PLXNA2: variants seen among roughly 807,000 people sequenced by gnomAD.
PLXNA2 encodes plexin-A2.
In PLXNA2, 91 loss-of-function variants were observed where a neutral mutation model predicts 193.5. The observed-to-expected ratio is 0.47, with a 90% CI of 0.40 to 0.56. The LOEUF (loss-of-function observed/expected upper bound fraction) is 0.56, where lower values mean the gene tolerates loss of function less well. Among genes scored for constraint, PLXNA2 ranks in the 20% least tolerant of loss-of-function variants. PLXNA2 has a pLI of 0.00. For synonymous variants in PLXNA2, 997 were observed against 1,027.3 expected (o/e 0.97, Z 0.56); for missense variants, 1,995 against 2,503.2 (o/e 0.80, Z 4.33).
intron 6 of PLXNA2, 120 bp from the exon 7 acceptor site, chr1:208,097,003 G>T: frequency 1.2e-6 from 1 of 836,166 alleles, no homozygotes; most frequent in Non-Finnish European, 1.8e-6. Context: ...TATAAAAGAA[G>T]GATGTTGGTC....
Position 208,096,892 on chromosome 1 carries a change from G to A in PLXNA2, c.1732-9C>T, listed in dbSNP as rs150005896. 2.9e-5 allele frequency: 46 copies of A among 1,611,212 alleles called. No homozygotes were observed. Among genetic ancestry groups the A allele is most frequent in the Admixed American group, 1.7e-4 (10 of 59,806 alleles). ...CTCACTACCAGGCTAAGCTGTGGGA[G>A]GAGCAAAGAGATGATGCCAAAGAAA... On this transcript the variant is annotated splice_polypyrimidine_tract_variant and intron_variant, in intron 6 of 31. Transcript: ENST00000367033.
chr1:208,056,923 TCTC>T (rs1665450662), intron 13 of PLXNA2, among the ~76,000 whole-genome samples: 1 of 152,060 alleles, frequency 6.6e-6, no homozygotes, highest in African/African-American at 2.4e-5. Flanking sequence ...CAAACTCTAA[TCTC>T]CTCAACTCTT....
At chr1:208,238,595 G>T (rs1382757933) in intron 1 of PLXNA2, among the ~76,000 whole-genome samples, 1 of 152,146 alleles carries the variant, frequency 6.6e-6, no homozygotes, top group Non-Finnish European at 1.5e-5. Flanking sequence ...TCTGGACTCT[G>T]CTGTCTCTCA....
intron 5 of PLXNA2, among the ~76,000 whole-genome samples, chr1:208,099,272 A>C (rs1188226566): frequency 6.6e-6 from 1 of 152,240 alleles, no homozygotes; most frequent in African/African-American, 2.4e-5. Context: ...CAAAACGCAC[A>C]AACAAAGCAA....
chr1:208,130,459 AC>A (rs1668112584), intron 4 of PLXNA2, among the ~76,000 whole-genome samples: 1 of 152,030 alleles, frequency 6.6e-6, no homozygotes, highest in Non-Finnish European at 1.5e-5. Flanking sequence ...TCACTCACCA[AC>A]CCCACCAACT....
intron 3 of PLXNA2, among the ~76,000 whole-genome samples, chr1:208,151,851 A>G (rs1274716497): frequency 6.6e-6 from 1 of 152,202 alleles, no homozygotes; most frequent in Non-Finnish European, 1.5e-5. Flanking sequence ...CTCCCTCCAG[A>G]GCCTACGCTT....
chr1:208,130,097 C>T (rs899964601), intron 4 of PLXNA2, among the ~76,000 whole-genome samples: 1 of 152,142 alleles, frequency 6.6e-6, no homozygotes, highest in Non-Finnish European at 1.5e-5. Context: ...GGGGACCAGT[C>T]ATAACTGGGG....
chr1:208,042,735 T>G (rs1264584313), intron 21 of PLXNA2, among the ~76,000 whole-genome samples: 1 of 152,192 alleles, frequency 6.6e-6, no homozygotes, highest in African/African-American at 2.4e-5. Context: ...AACCAACAAA[T>G]GAACAAACAA....
chr1:208,241,437 C>G (rs1055166864), intron 1 of PLXNA2, among the ~76,000 whole-genome samples: 1 of 152,186 alleles, frequency 6.6e-6, no homozygotes, highest in African/African-American at 2.4e-5. Context: ...TAAGACACTG[C>G]CATACTCTTC....
chr1:208,139,320 C>G (rs1437295051), intron 4 of PLXNA2, among the ~76,000 whole-genome samples: 5 of 152,306 alleles, frequency 3.3e-5, no homozygotes, highest in African/African-American at 9.6e-5. Flanking sequence ...GCCTAGAACA[C>G]AGATCTCCTG....
chr1:208,105,767 C>A (rs1667252298), intron 4 of PLXNA2, among the ~76,000 whole-genome samples: 1 of 152,236 alleles, frequency 6.6e-6, no homozygotes, highest in Non-Finnish European at 1.5e-5. Flanking sequence ...CCAAACCACT[C>A]TCTGAGGCCT....
intron 3 of PLXNA2, among the ~76,000 whole-genome samples, chr1:208,207,478 AG>A (rs1319270887): frequency 6.6e-6 from 1 of 152,182 alleles, no homozygotes; most frequent in Non-Finnish European, 1.5e-5. Flanking sequence ...TATCACTTCT[AG>A]CAAGTCTCTG....
In PLXNA2 at chr1:208,163,035, C is replaced by T. The variant is rs141289543; in HGVS notation, c.1372-20572G>A. 6.8e-4 allele frequency among the ~76,000 whole-genome samples: 104 copies of T among 152,300 alleles called. 4 individuals carry two copies. The highest frequency in any genetic ancestry group is 4.0e-4 in the Non-Finnish European group (27 of 68,022). ...AACCTGAAAGGACAGGGCACTTCATCAGGCAGAGAGAGGGAGGCATGGCAG... is the reference window on the plus strand; with the variant it reads ...AACCTGAAAGGACAGGGCACTTCATTAGGCAGAGAGAGGGAGGCATGGCAG... On this transcript the variant is annotated intron_variant, in intron 3 of 31. Transcript: ENST00000367033.
At chr1:208,134,106 C>T (rs533143837) in intron 4 of PLXNA2, among the ~76,000 whole-genome samples, 6 of 152,302 alleles carry the variant, frequency 3.9e-5, no homozygotes, top group Non-Finnish European at 5.9e-5. Context: ...TGTATTCAAT[C>T]ATTTCTTTCC....
At position 208,069,690 on chromosome 1, in the gene PLXNA2, G is replaced by A. The variant is rs915657686; in HGVS notation, c.2587-8853C>T. ...GCCAACTTCAGAGTAGGGGCTTATC[G>A]GGGCAGAGGAGCTTGGTGGGAGCTT... On this transcript the variant is annotated intron_variant, in intron 12 of 31. Transcript: ENST00000367033. 5.9e-5 allele frequency among the ~76,000 whole-genome samples: 9 copies of A among 152,144 alleles called. No individual in the cohort carries two copies. The South Asian group carries it at 8.3e-4, about 14-fold the overall frequency.
At chr1:208,051,210 C>T (rs769406402) in intron 16 of PLXNA2, 46 bp downstream of exon 16, 6 of 1,594,640 alleles carry the variant, frequency 3.8e-6, no homozygotes, top group Non-Finnish European at 5.1e-6. Context: ...CTGCAGGGAT[C>T]ATGCTGGGTG....
At position 208,153,708 on chromosome 1, in the gene PLXNA2, G is replaced by A. The variant is rs115291886; in HGVS notation, c.1372-11245C>T. ...GATGAGGTCAGAGTTGGGGTCTGAGGAACAGGGTAAGAGGAGAAGGGAGGG... is the reference window on the plus strand; with the variant it reads ...GATGAGGTCAGAGTTGGGGTCTGAGAAACAGGGTAAGAGGAGAAGGGAGGG... On this transcript the variant is annotated intron_variant, in intron 3 of 31. Coordinates refer to ENST00000367033, the MANE Select transcript of PLXNA2 (RefSeq NM_025179.4). Among the ~76,000 whole-genome samples the A allele has an allele frequency of 8.0e-3, 1,213 of 152,314 alleles. 5 individuals carry two copies. The highest frequency in any genetic ancestry group is 0.013 in the Non-Finnish European group (891 of 68,022).
intron 28 of PLXNA2, among the ~76,000 whole-genome samples, chr1:208,032,395 T>G (rs1471974408): frequency 6.6e-5 from 10 of 152,188 alleles, no homozygotes; most frequent in Admixed American, 6.5e-4. Context: ...AGCAGAAACC[T>G]CTAGCTTTTT....
intron 4 of PLXNA2, among the ~76,000 whole-genome samples, chr1:208,129,589 T>G (rs1048635134): frequency 6.6e-6 from 1 of 152,178 alleles, no homozygotes; most frequent in Non-Finnish European, 1.5e-5. Context: ...TCCCAAGCTT[T>G]CCTTAACTTG....
Sources: gnomAD v4.1 joint callset for allele counts (sites outside exome capture counted in the v4.1 genomes callset) on GRCh38, gnomAD v4.1.1 for gene constraint, MANE v1.5 for transcripts, NCBI Gene and HGNC (gene_info 2026-07-23, HGNC 2026-07-21) for gene names.